FANCA: variants seen among roughly 807,000 people sequenced by gnomAD.
FANCA encodes the protein Fanconi anemia group A protein.
Under a neutral mutation model 194.3 loss-of-function variants are expected in FANCA, and 236 were observed. The ratio of observed to expected loss-of-function variants is 1.21; its 90% CI spans 1.09 to 1.35. The LOEUF is 1.35. Ranked by LOEUF, FANCA falls within the 40% of genes most tolerant of loss-of-function variation. The pLI is 0.00. For missense variants in FANCA, 2,628 were observed against 1,813.9 expected, an observed-to-expected ratio of 1.45 and a Z score of -8.15; for synonymous variants, 1,014 against 715.8, an observed-to-expected ratio of 1.42 and a Z score of -6.65.
rs1567594872 is a variant in FANCA, at chr16:89,739,952, G to A, written c.3934+42C>T. The stretch of plus-strand genomic sequence containing the variant: ...ACCATTTGCAAGATGCCTCTGAAAA[G>A]AGCGGCCCTCCGCATTTGTGCCTCA... On this transcript the variant is annotated intron_variant, in intron 39 of 42. Coordinates refer to ENST00000389301, the MANE Select transcript of FANCA (RefSeq NM_000135.4). The A allele has an allele frequency of 2.5e-6, 4 of 1,611,566 alleles. No individual in the cohort carries two copies. In the African/African-American group the frequency reaches 4.0e-5, roughly 16 times the overall value.
chr16:89,791,292 A>G lies in FANCA; in HGVS notation c.1359+111T>C, dbSNP rs8049660. 0.38 allele frequency: 547,775 copies of G among 1,433,956 alleles called. 119,442 individuals carry two copies. The highest frequency in any genetic ancestry group is 0.82 in the East Asian group (33,429 of 40,648). 88.8% of individuals were successfully genotyped at this position (1,433,956 alleles called of 1,614,324 possible). A position where few individuals can be genotyped will look rare whatever the true frequency, so the allele number is the denominator to read the frequency against. Reference sequence around the variant, plus strand: ...GCCAAGGCCACTCGGCAAAGCTGACAGCAAGGTTGCTCACTCACATGACAG... The same window carrying G: ...GCCAAGGCCACTCGGCAAAGCTGACGGCAAGGTTGCTCACTCACATGACAG... On this transcript the variant is annotated intron_variant, in intron 14 of 42. Transcript: ENST00000389301.
Position 89,795,895 on chromosome 16 carries a change from A to G in FANCA, c.1006+11T>C. ...TGGGTAGCAACTGAGCAGCCTCCAC[A>G]CTGGGCCTACCTTTCAGCACAGGGC... On this transcript the variant is annotated intron_variant, in intron 11 of 42. Coordinates refer to ENST00000389301, the MANE Select transcript of FANCA (RefSeq NM_000135.4). The G allele has an allele frequency of 6.2e-7, 1 of 1,604,040 alleles. No individual in the cohort carries two copies. The highest frequency in any genetic ancestry group is 1.1e-5 in the South Asian group (1 of 90,900).
At chr16:89,797,681 C>T (rs548380793) in intron 10 of FANCA, among the ~76,000 whole-genome samples, 1 of 152,142 alleles carries the variant, frequency 6.6e-6, no homozygotes, top group Non-Finnish European at 1.5e-5. Context: ...GAGTTCGAGA[C>T]CAGCCTGACC....
chr16:89,791,021 GTGTTTTTTTT>G lies in FANCA; in HGVS notation c.1359+372_1359+381del, dbSNP rs1471485508. The G allele has an allele frequency of 1.4e-3, 303 of 222,768 alleles. 1 individual carries two copies. Among genetic ancestry groups the G allele is most frequent in the African/African-American group, 9.3e-3 (263 of 28,170 alleles). 13.8% of individuals were successfully genotyped at this position (222,768 alleles called of 1,614,324 possible). A position where few individuals can be genotyped will look rare whatever the true frequency, so the allele number is the denominator to read the frequency against. On this transcript the variant is annotated intron_variant, in intron 14 of 42. Coordinates refer to ENST00000389301, the MANE Select transcript of FANCA (RefSeq NM_000135.4). ...GTTTTTGTTTTGTGTGTGTGTGTGT[GTGTTTTTTTT>G]TTTTTTTTTTTTTTTTTGGTGGAGA...
intron 30 of FANCA, among the ~76,000 whole-genome samples, chr16:89,755,007 T>G (rs1322520560): frequency 6.6e-6 from 1 of 152,112 alleles, no homozygotes; most frequent in African/African-American, 2.4e-5. Flanking sequence ...CTACAAAGCT[T>G]CATCCCAATG....
chr16:89,748,686 C>A lies in FANCA; in HGVS notation c.3321G>T (p.Gln1107His), dbSNP rs1276452090. The A allele has an allele frequency of 3.1e-6, 5 of 1,614,012 alleles. No individual in the cohort carries two copies. Among genetic ancestry groups the A allele is most frequent in the African/African-American group, 1.3e-5 (1 of 74,952 alleles). ...TCTCAGAGTTGACCAAGTGGAAGAA[C>A]TGCTCGCATCTGGCAGTGATGGGCT... ...AEQPITARCE[Q>H]FFHLVNSEMR... Residue 1107 changes from glutamine to histidine, a missense_variant, in exon 33 of 43, where the codon CAG (glutamine) becomes CAT (histidine). Physicochemically the swap from Gln to His is conservative, Grantham distance 24. Coordinates refer to ENST00000389301, the MANE Select transcript of FANCA (RefSeq NM_000135.4).
chr16:89,740,011 A>T lies in FANCA; in HGVS notation c.3917T>A (p.Phe1306Tyr). ...EKRKISWLALFQLTESDLRLG... is the reference protein window; with the variant it reads ...EKRKISWLALYQLTESDLRLG... ...TTTCTTACCACTCTCTGTCAACTGA[A>T]AGAGTGCCAGCCAGGATATCTTCCT... The change falls in exon 39 of 43, where the codon TTT (phenylalanine) becomes TAT (tyrosine). Residue 1306 changes from phenylalanine (F) to tyrosine (Y), a missense_variant. Coordinates refer to ENST00000389301, the MANE Select transcript of FANCA (RefSeq NM_000135.4). 1 of 1,614,136 alleles carries T rather than the reference A, an allele frequency of 6.2e-7. No individual in the cohort carries two copies. Among genetic ancestry groups the T allele is most frequent in the Non-Finnish European group, 8.5e-7 (1 of 1,179,986 alleles).
intron 10 of FANCA, chr16:89,798,646 A>T: frequency 8.4e-7 from 1 of 1,191,358 alleles, no homozygotes; most frequent in Non-Finnish European, 1.0e-6. Context: ...CCGCCTCCCG[A>T]CCTGTAAGGG....
At chr16:89,808,205 C>A in intron 6 of FANCA, 89 bp downstream of exon 6, 1 of 1,286,668 alleles carries the variant, frequency 7.8e-7, no homozygotes, top group South Asian at 1.2e-5. Flanking sequence ...AGCCAGAAAT[C>A]AAACCCGTCT....
chr16:89,752,949 A>G (rs562803693), intron 30 of FANCA, among the ~76,000 whole-genome samples: 1 of 152,242 alleles, frequency 6.6e-6, no homozygotes, highest in East Asian at 1.9e-4. Context: ...AGGGCCTGAC[A>G]TCAGTCAGAC....
intron 17 of FANCA, among the ~76,000 whole-genome samples, chr16:89,782,307 T>A (rs892030273): frequency 1.2e-3 from 187 of 151,124 alleles, no homozygotes; most frequent in Non-Finnish European, 2.4e-3. Context: ...GTCAGGAGAT[T>A]GAGACCATTC....
chr16:89,777,818 C>A (rs2039560714), intron 20 of FANCA, among the ~76,000 whole-genome samples: 1 of 152,072 alleles, frequency 6.6e-6, no homozygotes, highest in African/African-American at 2.4e-5. Context: ...CATTTTCCTT[C>A]AGTTCTCCTC....
chr16:89,770,086 C>A (rs775319666), intron 25 of FANCA, 62 bp from the exon 26 acceptor site: 2 of 1,588,266 alleles, frequency 1.3e-6, no homozygotes, highest in East Asian at 2.3e-5. Context: ...TTTTCCAGGG[C>A]ACTGAAGACG....
chr16:89,766,335 C>G (rs1441087852), intron 27 of FANCA, among the ~76,000 whole-genome samples: 1 of 151,994 alleles, frequency 6.6e-6, no homozygotes, highest in Non-Finnish European at 1.5e-5. Context: ...CATTAAAATC[C>G]TATAAAAGGA....
chr16:89,815,731 C>G, intron 2 of FANCA, 146 bp downstream of exon 2: 1 of 727,374 alleles, frequency 1.4e-6, no homozygotes, highest in South Asian at 1.4e-5. Flanking sequence ...TGGTCCAGAA[C>G]TCCCGGGCTC....
At chr16:89,749,964 G>C in intron 31 of FANCA, 62 bp from the exon 32 acceptor site, 2 of 1,582,842 alleles carry the variant, frequency 1.3e-6, no homozygotes, top group Non-Finnish European at 1.7e-6. Flanking sequence ...GCCAGTCGGG[G>C]ACCCAGACGT....
At chr16:89,740,697 G>A (rs897083697) in intron 38 of FANCA, 107 bp downstream of exon 38, 3 of 860,782 alleles carry the variant, frequency 3.5e-6, no homozygotes, top group Admixed American at 2.1e-5. Context: ...GCAAACACAA[G>A]GAGCTCCTGA....
Position 89,746,893 on chromosome 16 carries a change from G to A in FANCA, c.3349-3C>T, listed in dbSNP as rs373861415. 1.1e-4 allele frequency: 178 copies of A among 1,554,746 alleles called. No homozygotes were observed. Among genetic ancestry groups the A allele is most frequent in the Middle Eastern group, 1.7e-4 (1 of 5,764 alleles). On this transcript the variant is annotated splice_region_variant and splice_polypyrimidine_tract_variant and intron_variant, in intron 33 of 42. Coordinates refer to ENST00000389301, the MANE Select transcript of FANCA (RefSeq NM_000135.4). ...CCTCCGTGGGAGCAGAAGTTTCTCT[G>A]CAAAAGAGTTCAAGGCAGGTAAGAA...
intron 26 of FANCA, among the ~76,000 whole-genome samples, chr16:89,768,637 T>C (rs184438192): frequency 6.5e-4 from 99 of 151,760 alleles, no homozygotes; most frequent in African/African-American, 2.0e-3. Flanking sequence ...GCCTGGACGA[T>C]AGAGTGAGAC....
Sources: allele counts gnomAD v4.1 joint callset (sites outside exome capture counted in the v4.1 genomes callset), GRCh38; gene constraint gnomAD v4.1.1; transcripts MANE v1.5; gene names NCBI Gene and HGNC (gene_info 2026-07-23, HGNC 2026-07-21).